The following CDH8 variants were observed in gnomAD, a reference collection of about 807,000 sequenced individuals.
CDH8 encodes cadherin 8, also known as cadherin-8.
CDH8 carries 17 observed loss-of-function variants against 68.1 expected under a neutral mutation model. That is an observed-to-expected ratio of 0.25 (90% confidence interval 0.17 to 0.37). The LOEUF is 0.37. CDH8 is among the 10% of genes least tolerant of loss of function. The pLI is 1.00. For synonymous variants in CDH8, 372 were observed against 365.1 expected (o/e 1.02, Z -0.21); for missense variants, 763 against 999.3 (o/e 0.76, Z 3.19).
intron 8 of CDH8, among the ~76,000 whole-genome samples, chr16:61,767,037 G>A (rs1960613979): frequency 6.6e-6 from 1 of 151,890 alleles, no homozygotes; most frequent in Non-Finnish European, 1.5e-5. Flanking sequence ...CAGACATCTT[G>A]CTCTCTTGAA....
rs140455163 is a variant in CDH8 at position 61,657,960 on chromosome 16, T to A, written c.1655-2239A>T. ...TTACTAATCCTGGAATTTGCCTATC[T>A]TGCTCTCCTTTCTACACGCAGAAGA... On this transcript the variant is annotated intron_variant, in intron 10 of 11. Coordinates refer to ENST00000577390, the MANE Select transcript of CDH8 (RefSeq NM_001796.5). 4.7e-4 allele frequency among the ~76,000 whole-genome samples: 72 copies of A among 152,220 alleles called. 1 individual carries two copies. The East Asian group carries it at 0.012, about 25-fold the overall frequency.
chr16:61,685,659 G>C (rs1158458097), intron 10 of CDH8, among the ~76,000 whole-genome samples: 3 of 151,976 alleles, frequency 2.0e-5, no homozygotes, highest in African/African-American at 4.8e-5. Context: ...GGTATGCAAA[G>C]TGCTTAACAT....
intron 8 of CDH8, among the ~76,000 whole-genome samples, chr16:61,748,835 G>A (rs1960089003): frequency 6.6e-6 from 1 of 151,990 alleles, no homozygotes; most frequent in Non-Finnish European, 1.5e-5. Context: ...GTGAATGCAG[G>A]GAAACTTTAT....
chr16:61,961,275 A>C (rs1343715981), intron 2 of CDH8, among the ~76,000 whole-genome samples: 33 of 151,950 alleles, frequency 2.2e-4, no homozygotes, highest in Admixed American at 2.2e-3. Flanking sequence ...ATATCGCACC[A>C]CTGCTCTCCA....
intron 2 of CDH8, among the ~76,000 whole-genome samples, chr16:61,975,711 T>C (rs892467731): frequency 6.6e-6 from 1 of 152,154 alleles, no homozygotes; most frequent in African/African-American, 2.4e-5. Flanking sequence ...TGTTCAACAA[T>C]AGTAGAAAAG....
At chr16:61,832,841 C>T (rs1014648743) in intron 4 of CDH8, among the ~76,000 whole-genome samples, 4 of 151,388 alleles carry the variant, frequency 2.6e-5, no homozygotes, top group African/African-American at 9.7e-5. Context: ...ATTATATATG[C>T]CATGATTAGC....
At chr16:61,755,620 T>C (rs1960291796) in intron 8 of CDH8, among the ~76,000 whole-genome samples, 1 of 152,158 alleles carries the variant, frequency 6.6e-6, no homozygotes, top group African/African-American at 2.4e-5. Flanking sequence ...TGTGAGCCTA[T>C]GGATGATTTT....
At chr16:62,012,232 G>C (rs1456723825) in intron 2 of CDH8, among the ~76,000 whole-genome samples, 1 of 152,094 alleles carries the variant, frequency 6.6e-6, no homozygotes, top group East Asian at 1.9e-4. Context: ...AAAAATTACA[G>C]GCAACCTGTA....
At chr16:61,985,371 C>T (rs1458957688) in intron 2 of CDH8, among the ~76,000 whole-genome samples, 1 of 152,100 alleles carries the variant, frequency 6.6e-6, no homozygotes, top group African/African-American at 2.4e-5. Context: ...AGTATTTAGC[C>T]ACAAGTAGCT....
At chr16:61,983,998 A>G (rs1045600556) in intron 2 of CDH8, among the ~76,000 whole-genome samples, 5 of 151,658 alleles carry the variant, frequency 3.3e-5, no homozygotes, top group Middle Eastern at 3.4e-3. Context: ...GCTCACTGCA[A>G]CCTCTGCCTT....
In CDH8 at chr16:61,675,630, A is replaced by AAAAT. The variant is rs1555501747; in HGVS notation, c.1655-19910_1655-19909insATTT. Among the ~76,000 whole-genome samples the AAAAT allele has an allele frequency of 5.5e-3, 818 of 148,412 alleles. 20 individuals are homozygous for AAAAT. The highest frequency in any genetic ancestry group is 0.049 in the Admixed American group (733 of 14,896). ...AAAATAAAAAAAATAAAAAAAATAA[A>AAAAT]AAAAAATAAAAATAGTGTTATCATT... is the stretch of plus-strand genomic sequence containing the variant. On this transcript the variant is annotated intron_variant, in intron 10 of 11. Coordinates refer to ENST00000577390, the MANE Select transcript of CDH8 (RefSeq NM_001796.5).
At chr16:61,841,287 G>T (rs1413854420) in intron 4 of CDH8, among the ~76,000 whole-genome samples, 1 of 152,086 alleles carries the variant, frequency 6.6e-6, no homozygotes, top group East Asian at 1.9e-4. Flanking sequence ...CCTCCAAACT[G>T]TTCTCCATAG....
At chr16:61,976,830 C>A (rs903407057) in intron 2 of CDH8, among the ~76,000 whole-genome samples, 57 of 152,236 alleles carry the variant, frequency 3.7e-4, no homozygotes, top group African/African-American at 1.2e-3. Context: ...TAAGCATAAT[C>A]CCTTGTTATC....
intron 10 of CDH8, among the ~76,000 whole-genome samples, chr16:61,698,451 G>C (rs918397548): frequency 6.6e-6 from 1 of 152,120 alleles, no homozygotes; most frequent in Non-Finnish European, 1.5e-5. Context: ...ATAAAGACAA[G>C]AATTGTGTGG....
chr16:61,764,251 AG>A (rs1430802551), intron 8 of CDH8, among the ~76,000 whole-genome samples: 4 of 152,132 alleles, frequency 2.6e-5, no homozygotes, highest in Non-Finnish European at 5.9e-5. Context: ...ACTCCAACAA[AG>A]ATCTCTCTGC....
intron 2 of CDH8, among the ~76,000 whole-genome samples, chr16:61,913,705 A>C (rs137964701): frequency 4.9e-4 from 75 of 152,290 alleles, no homozygotes; most frequent in African/African-American, 1.8e-3. Context: ...AAAACTTCAA[A>C]GGAAACCTGA....
At chr16:61,707,803 C>T (rs77380913) in intron 10 of CDH8, among the ~76,000 whole-genome samples, 1,547 of 152,114 alleles carry the variant, frequency 0.01, 27 homozygotes, top group African/African-American at 0.036. Context: ...TTTGTTTCCA[C>T]ATTCAATTTT....
At chr16:61,992,075 T>TGAGA (rs1567559719) in intron 2 of CDH8, among the ~76,000 whole-genome samples, 2 of 127,868 alleles carry the variant, frequency 1.6e-5, no homozygotes, top group African/African-American at 5.7e-5. Flanking sequence ...TGTGTGTGTG[T>TGAGA]GTGAGAGAGA....
At chr16:61,794,660 G>A (rs1033415779) in intron 7 of CDH8, among the ~76,000 whole-genome samples, 1 of 152,094 alleles carries the variant, frequency 6.6e-6, no homozygotes, top group African/African-American at 2.4e-5. Flanking sequence ...GTGTACACAG[G>A]AAATTAGAGG....
Sources: allele counts gnomAD v4.1 joint callset (sites outside exome capture counted in the v4.1 genomes callset), GRCh38; gene constraint gnomAD v4.1.1; transcripts MANE v1.5; gene names NCBI Gene and HGNC (gene_info 2026-07-23, HGNC 2026-07-21).